Variants in GATAD2A observed in about 807,000 individuals in gnomAD.
GATAD2A encodes transcriptional repressor p66-alpha.
Under a neutral mutation model 68.5 loss-of-function variants are expected in GATAD2A, and 12 were observed. The ratio of observed to expected loss-of-function variants is 0.18; its 90% CI spans 0.11 to 0.28. The LOEUF is 0.28. Among genes scored for constraint, GATAD2A ranks in the 10% least tolerant of loss-of-function variants. The pLI is 1.00. For synonymous variants in GATAD2A, 410 were observed against 375.3 expected (o/e 1.09, Z -1.07); for missense variants, 755 against 868.5 (o/e 0.87, Z 1.64).
intron 1 of GATAD2A, among the ~76,000 whole-genome samples, chr19:19,397,947 A>T (rs2049387003): frequency 2.0e-5 from 3 of 152,174 alleles, no homozygotes; most frequent in African/African-American, 2.4e-5. Flanking sequence ...CTTGTTGCCC[A>T]TGCTGGAGTG....
chr19:19,449,066 C>G (rs1459226270), intron 1 of GATAD2A, among the ~76,000 whole-genome samples: 3 of 152,182 alleles, frequency 2.0e-5, no homozygotes, highest in Non-Finnish European at 4.4e-5. Context: ...AATCCCTACA[C>G]CATCTTCCCT....
In GATAD2A at chr19:19,506,027, G is replaced by C. The variant is rs887620807; in HGVS notation, c.*553G>C. The C allele has an allele frequency of 6.3e-5, 25 of 398,542 alleles. No individual in the cohort carries two copies. Among genetic ancestry groups the C allele is most frequent in the Non-Finnish European group, 8.0e-5 (18 of 226,066 alleles). 24.7% of individuals were successfully genotyped at this position (398,542 alleles called of 1,614,324 possible). A position where few individuals can be genotyped will look rare whatever the true frequency, so the allele number is the denominator to read the frequency against. On this transcript the variant is annotated 3_prime_UTR_variant, in exon 12 of 12. Transcript: ENST00000683918. The stretch of plus-strand genomic sequence containing the variant: ...GATGGAGTTAAAAGTAAACCGTGCA[G>C]ACCCTGGGGTCCCTGTTGTACGCTG...
intron 1 of GATAD2A, among the ~76,000 whole-genome samples, chr19:19,460,031 G>A (rs1339641648): frequency 6.6e-6 from 1 of 152,224 alleles, no homozygotes; most frequent in Non-Finnish European, 1.5e-5. Flanking sequence ...GCAGATGGAG[G>A]TGTCTGTTCT....
In GATAD2A at chr19:19,400,022, A is replaced by AT. The variant is rs11367631; in HGVS notation, c.-7+13896dup. ...TTTTGTTTTTCCTGGTAGTTTTCTG[A>AT]TTTTTTTTTTTTAATCTTTAATTCA... On this transcript the variant is annotated intron_variant, in intron 1 of 11. Transcript: ENST00000360315. Among the ~76,000 whole-genome samples the AT allele has an allele frequency of 2.9e-4, 43 of 147,020 alleles. No homozygotes were observed. In the Middle Eastern group the frequency reaches 0.01, roughly 36 times the overall value.
rs1045569329 is a variant in GATAD2A, at chr19:19,492,788, C to A, written c.534+76C>A. ...GCCTTGATCCCCTCATCAATGTCAG[C>A]GGCCAGAAAGGTGAAAGGGCTTCCT... On this transcript the variant is annotated intron_variant, in intron 4 of 11. Transcript: ENST00000683918. The A allele has an allele frequency of 2.6e-5, 39 of 1,496,964 alleles. 2 individuals carry two copies. In the South Asian group the frequency reaches 3.2e-4, roughly 12 times the overall value. The allele number at this position is 1,496,964 out of a possible 1,614,324, so 92.7% of individuals were successfully genotyped here.
intron 10 of GATAD2A, 86 bp from the exon 11 acceptor site, chr19:19,502,245 C>A: frequency 8.7e-7 from 1 of 1,147,618 alleles, no homozygotes; most frequent in Non-Finnish European, 1.3e-6. Flanking sequence ...AAGAGGTCAG[C>A]CAGAGCAAGG....
At chr19:19,405,141 C>T (rs1312989974), upstream of GATAD2A, among the ~76,000 whole-genome samples, 2 of 152,006 alleles carry the variant, frequency 1.3e-5, no homozygotes, top group Non-Finnish European at 2.9e-5. Context: ...AGCAGTCGTC[C>T]CCAAGTGTCT....
At chr19:19,435,233 G>GT (rs2054198381) in intron 1 of GATAD2A, 2 of 463,832 alleles carry the variant, frequency 4.3e-6, no homozygotes, top group Non-Finnish European at 4.6e-6. Flanking sequence ...TTTCTGGGTT[G>GT]TTTTTTGAGA....
intron 1 of GATAD2A, among the ~76,000 whole-genome samples, chr19:19,429,536 G>A (rs1488023732): frequency 4.6e-5 from 7 of 152,054 alleles, no homozygotes; most frequent in Non-Finnish European, 1.0e-4. Context: ...GGAAATTAAG[G>A]AGGGCCGTCT....
chr19:19,440,975 C>T (rs1211542712), intron 1 of GATAD2A, among the ~76,000 whole-genome samples: 2 of 114,084 alleles, frequency 1.8e-5, no homozygotes, highest in African/African-American at 3.4e-5. Flanking sequence ...CCCTTTCCTT[C>T]CTTTCCTTCC....
upstream of GATAD2A, among the ~76,000 whole-genome samples, chr19:19,402,767 GT>G (rs1323738385): frequency 1.5e-5 from 2 of 135,322 alleles, no homozygotes; most frequent in Non-Finnish European, 3.2e-5. Flanking sequence ...TTTTGTTTTT[GT>G]TTTTTTGATT....
chr19:19,471,662 G>A (rs2058324709), intron 2 of GATAD2A, among the ~76,000 whole-genome samples: 2 of 152,206 alleles, frequency 1.3e-5, no homozygotes, highest in Admixed American at 1.3e-4. Flanking sequence ...TTTGCGGTAT[G>A]TAAAGTATAC....
At chr19:19,397,202 A>G (rs987596475) in intron 1 of GATAD2A, among the ~76,000 whole-genome samples, 1 of 152,164 alleles carries the variant, frequency 6.6e-6, no homozygotes, top group Non-Finnish European at 1.5e-5. Context: ...AAAATGTGCT[A>G]TAGTAGGATC....
At chr19:19,498,248 T>C (rs1318628783) in intron 7 of GATAD2A, among the ~76,000 whole-genome samples, 195 bp from the exon 8 acceptor site, 2 of 152,212 alleles carry the variant, frequency 1.3e-5, no homozygotes, top group African/African-American at 2.4e-5. Context: ...CCTAGGGTGG[T>C]GTGTTTCTCG....
chr19:19,450,264 A>G (rs553381890), intron 1 of GATAD2A, among the ~76,000 whole-genome samples: 5 of 152,332 alleles, frequency 3.3e-5, no homozygotes, highest in East Asian at 1.9e-4. Flanking sequence ...GGACCCTGCC[A>G]TTCAGCAGCA....
At chr19:19,500,051 C>T (rs1165731248) in intron 8 of GATAD2A, among the ~76,000 whole-genome samples, 1 of 152,246 alleles carries the variant, frequency 6.6e-6, no homozygotes, top group Non-Finnish European at 1.5e-5. Context: ...GTGCGGGCAT[C>T]CGCTCTCCCA....
intron 10 of GATAD2A, 60 bp downstream of exon 10, chr19:19,502,103 A>C (rs1176697430): frequency 3.2e-6 from 4 of 1,252,894 alleles, no homozygotes; most frequent in Non-Finnish European, 4.7e-6. Context: ...TGACCACGTC[A>C]GTCGCCGACT....
chr19:19,459,208 A>C (rs930394481), intron 1 of GATAD2A, among the ~76,000 whole-genome samples: 1 of 152,166 alleles, frequency 6.6e-6, no homozygotes, highest in African/African-American at 2.4e-5. Context: ...ACTGATTCAT[A>C]GTCACTGTTA....
intron 2 of GATAD2A, chr19:19,474,148 C>T (rs1007217103): frequency 3.6e-5 from 35 of 985,288 alleles, no homozygotes; most frequent in African/African-American, 5.2e-5. Flanking sequence ...TGCAAGATGT[C>T]TCTGAGGATC....
Sources: gnomAD v4.1 joint callset for allele counts (sites outside exome capture counted in the v4.1 genomes callset) on GRCh38, gnomAD v4.1.1 for gene constraint, MANE v1.5 for transcripts, NCBI Gene and HGNC (gene_info 2026-07-23, HGNC 2026-07-21) for gene names.